Variants in MASP2 observed in about 807,000 individuals in gnomAD.
MASP2 encodes the protein MBL associated serine protease 2.
MASP2 carries 49 observed loss-of-function variants against 57.1 expected under a neutral mutation model. The observed-to-expected ratio is 0.86, with a 90% CI of 0.68 to 1.09. The LOEUF (loss-of-function observed/expected upper bound fraction) is 1.09, where lower values mean the gene tolerates loss of function less well. Ranked by LOEUF, MASP2 falls within the 50% of genes least tolerant of loss-of-function variation. MASP2 has a pLI of 0.00. For missense variants in MASP2, 900 were observed against 874.8 expected, an observed-to-expected ratio of 1.03 and a Z score of -0.36; for synonymous variants, 379 against 340.8, an observed-to-expected ratio of 1.11 and a Z score of -1.24.
At chr1:11,041,403 A>AAT (rs1638429830) in intron 6 of MASP2, among the ~76,000 whole-genome samples, 1 of 26,294 alleles carries the variant, frequency 3.8e-5, no homozygotes, top group Admixed American at 3.7e-4. Context: ...TGGATGGATG[A>AAT]GTGGATGGAT....
rs770105599 is a variant in MASP2, at chr1:11,037,766, G to A, written c.935C>T (p.Ser312Leu). Residue 312 changes from serine to leucine, a missense_variant, in exon 7 of 11, where the codon TCA becomes TTA. Ser to Leu is a moderately radical substitution (Grantham distance 145). Coordinates refer to ENST00000400897, the MANE Select transcript of MASP2 (RefSeq NM_006610.4). The stretch of plus-strand genomic sequence containing the variant: ...CAGGATGTATTTGGCTTGCACAGGT[G>A]AAACGTGGCCATTAGGTGGCGCCAT... ...YPMAPPNGHV[S>L]PVQAKYILKD... 1 of 1,613,364 alleles carries A rather than the reference G, an allele frequency of 6.2e-7. No individual in the cohort carries two copies.
rs1638513403 is a variant in MASP2, at chr1:11,043,179, T to C, written c.742-157A>G. ...CTCCCCACTCTGCCTCCCACACTTG[T>C]ACTCGAAGGCCCCAGCCTTGGACCT... On this transcript the variant is annotated intron_variant, in intron 5 of 10. Transcript: ENST00000400897. 4.1e-6 allele frequency: 4 copies of C among 979,052 alleles called. No homozygotes were observed. In the South Asian group the frequency reaches 6.4e-5, roughly 16 times the overall value. 60.6% of individuals were successfully genotyped at this position (979,052 alleles called of 1,614,324 possible).
At chr1:11,040,869 GA>G (rs1638403730) in intron 6 of MASP2, among the ~76,000 whole-genome samples, 1 of 151,818 alleles carries the variant, frequency 6.6e-6, no homozygotes, top group African/African-American at 2.4e-5. Flanking sequence ...TGGATGGATG[GA>G]TGGATGGATG....
Position 11,043,335 on chromosome 1 carries a change from A to G in MASP2, c.741+4T>C, listed in dbSNP as rs1305786742. 2 of 1,602,174 alleles carry G rather than the reference A, an allele frequency of 1.2e-6. No homozygotes were observed. Among genetic ancestry groups the G allele is most frequent in the Non-Finnish European group, 1.7e-6 (2 of 1,174,356 alleles). On this transcript the variant is annotated splice_donor_region_variant and intron_variant, in intron 5 of 10. Coordinates refer to ENST00000400897, the MANE Select transcript of MASP2 (RefSeq NM_006610.4). ...GGACAAGATGAGGGGCCCAGGAGCC[A>G]GACCTTGAGAAAGTCGTAGGGACAC...
In MASP2 at chr1:11,027,188, C is replaced by T; in HGVS notation, c.1758G>A (p.Met586Ile). ...TQRGFLARNL[M>I]YVDIPIVDHQ... ...GGTCAACAATCGGTATGTCGACATA[C>T]ATTAGATTTCTAGCAAGAAAACCCC... Residue 586 changes from methionine to isoleucine, a missense_variant, in exon 11 of 11, where the codon ATG becomes ATA. Coordinates refer to ENST00000400897, the MANE Select transcript of MASP2 (RefSeq NM_006610.4). The T allele has an allele frequency of 6.2e-7, 1 of 1,614,176 alleles. No individual in the cohort carries two copies. The highest frequency in any genetic ancestry group is 1.7e-5 in the Admixed American group (1 of 60,012).
At chr1:11,046,506 C>A in intron 3 of MASP2, 50 bp downstream of exon 3, 1 of 1,605,214 alleles carries the variant, frequency 6.2e-7, no homozygotes. Flanking sequence ...AGAGTTACCC[C>A]CACAGCCAGC....
intron 4 of MASP2, chr1:11,044,757 C>G: frequency 6.8e-7 from 1 of 1,479,016 alleles, no homozygotes; most frequent in Non-Finnish European, 9.0e-7. Context: ...CGCACCCCGC[C>G]GCCTCCCGAC....
At position 11,046,689 on chromosome 1, in the gene MASP2, C is replaced by T; in HGVS notation, c.279G>A (p.Glu93=). The T allele has an allele frequency of 6.2e-7, 1 of 1,613,460 alleles. No individual in the cohort carries two copies. The highest frequency in any genetic ancestry group is 1.7e-5 in the Admixed American group (1 of 60,026). Reference sequence around the variant, plus strand: ...CAGGGGCCCGCTCCGTGTCTGTGCTCTCCTGCCCGCACAGCGTGGCCAGCA... The same window carrying T: ...CAGGGGCCCGCTCCGTGTCTGTGCTTTCCTGCCCGCACAGCGTGGCCAGCA... ...AKVLATLCGQ[E]STDTERAPGK... The change falls in exon 3 of 11, where the codon GAG becomes GAA. Residue 93 remains glutamate, a synonymous_variant. Coordinates refer to ENST00000400897, the MANE Select transcript of MASP2 (RefSeq NM_006610.4).
chr1:11,043,188 G>T (rs1570754141), intron 5 of MASP2, 151 bp downstream of exon 5: 3 of 977,692 alleles, frequency 3.1e-6, no homozygotes, highest in East Asian at 5.1e-5. Context: ...GTACTCGAAG[G>T]CCCCAGCCTT....
At position 11,037,676 on chromosome 1, in the gene MASP2, A is replaced by G; in HGVS notation, c.1008+17T>C. 9.5e-6 allele frequency: 14 copies of G among 1,480,852 alleles called. No homozygotes were observed. Among genetic ancestry groups the G allele is most frequent in the Non-Finnish European group, 1.3e-5 (14 of 1,069,544 alleles). The allele number at this position is 1,480,852 out of a possible 1,614,324, so 91.7% of individuals were successfully genotyped here. A position where few individuals can be genotyped will look rare whatever the true frequency, so the allele number is the denominator to read the frequency against. ...AAGCAATCGTCATTGATCGTGGTGTACTTTGTTTTAACTCACTTGCAGAAG... is the reference window on the plus strand; with the variant it reads ...AAGCAATCGTCATTGATCGTGGTGTGCTTTGTTTTAACTCACTTGCAGAAG... On this transcript the variant is annotated intron_variant, in intron 7 of 10. Coordinates refer to ENST00000400897, the MANE Select transcript of MASP2 (RefSeq NM_006610.4).
chr1:11,033,516 G>A (rs987816923), intron 8 of MASP2, among the ~76,000 whole-genome samples: 4 of 151,160 alleles, frequency 2.6e-5, no homozygotes, highest in Non-Finnish European at 5.9e-5. Flanking sequence ...GTGGCGGTGT[G>A]TGCCTGTAGT....
chr1:11,045,431 T>A lies in MASP2; in HGVS notation c.521A>T (p.His174Leu), dbSNP rs1557677466. ...ACCTGAGCAGGTGCGCTTGTTACGG[T>A]GCAGGACGTAGCCTGCGCGGCAGGA... The part of the protein sequence containing the change: ...YCSCRAGYVL[H>L]RNKRTCSALC... Residue 174 changes from histidine to leucine, a missense_variant, in exon 4 of 11, where the codon CAC becomes CTC. Transcript: ENST00000400897. 5 of 1,613,302 alleles carry A rather than the reference T, an allele frequency of 3.1e-6. 1 individual carries two copies. The South Asian group carries it at 3.3e-5, about 11-fold the overall frequency.
chr1:11,045,644 G>A, intron 3 of MASP2, 105 bp from the exon 4 acceptor site: 12 of 1,311,410 alleles, frequency 9.2e-6, no homozygotes, highest in Non-Finnish European at 1.2e-5. Flanking sequence ...CCTCAGAGGA[G>A]GCCTCGTCCT....
At chr1:11,046,516 C>T (rs1278056865) in intron 3 of MASP2, 40 bp downstream of exon 3, 1 of 1,611,064 alleles carries the variant, frequency 6.2e-7, no homozygotes, top group Non-Finnish European at 8.5e-7. Flanking sequence ...CCACAGCCAG[C>T]TGCGCAGACT....
chr1:11,043,005 T>C lies in MASP2; in HGVS notation c.759A>G (p.Glu253=). 6.2e-7 allele frequency: 1 copy of C among 1,613,920 alleles called. No homozygotes were observed. The highest frequency in any genetic ancestry group is 1.1e-5 in the South Asian group (1 of 91,082). ...YDFLKIQTDR[E]EHGPFCGKTL... is the part of the protein sequence containing the mutation. ...TCTTCCCACAGAATGGGCCATGTTC[T>C]TCTCTGTCTGTTTGAATCTGAGAAA... Residue 253 remains glutamate, a synonymous_variant, in exon 6 of 11, where the codon GAA becomes GAG. Coordinates refer to ENST00000400897, the MANE Select transcript of MASP2 (RefSeq NM_006610.4).
At chr1:11,027,965 T>C (rs967864483) in intron 10 of MASP2, among the ~76,000 whole-genome samples, 3 of 152,182 alleles carry the variant, frequency 2.0e-5, no homozygotes, top group Non-Finnish European at 4.4e-5. Flanking sequence ...GTCACACCTG[T>C]AATCCCAGCA....
chr1:11,045,458 C>T lies in MASP2; in HGVS notation c.494G>A (p.Cys165Tyr). ...CAGGACGTAGCCTGCGCGGCAGGAGCAGTAGAAACCGCCCAGGTGGTTGTG... is the reference window on the plus strand; with the variant it reads ...CAGGACGTAGCCTGCGCGGCAGGAGTAGTAGAAACCGCCCAGGTGGTTGTG... ...HCHNHLGGFY[C>Y]SCRAGYVLHR... The change falls in exon 4 of 11, where the codon TGC becomes TAC. Residue 165 changes from cysteine to tyrosine, a missense_variant. Physicochemically the swap from Cys to Tyr is radical, Grantham distance 194. Coordinates refer to ENST00000400897, the MANE Select transcript of MASP2 (RefSeq NM_006610.4). 6.2e-7 allele frequency: 1 copy of T among 1,613,148 alleles called. No homozygotes were observed. The highest frequency in any genetic ancestry group is 1.3e-5 in the African/African-American group (1 of 75,014).
Position 11,026,864 on chromosome 1 carries a change from C to G in MASP2, c.*21G>C. ...ACAGGCATTTCTAAAAATGAAGAAT[C>G]CTTGACTGCAGACACGCAAGTTAAA... On this transcript the variant is annotated 3_prime_UTR_variant, in exon 11 of 11. Transcript: ENST00000400897. 6.8e-7 allele frequency: 1 copy of G among 1,466,796 alleles called. No homozygotes were observed. The highest frequency in any genetic ancestry group is 9.0e-7 in the Non-Finnish European group (1 of 1,110,842). The allele number at this position is 1,466,796 out of a possible 1,614,324, so 90.9% of individuals were successfully genotyped here.
chr1:11,029,175 T>A (rs1373020098), intron 10 of MASP2, among the ~76,000 whole-genome samples: 2 of 151,638 alleles, frequency 1.3e-5, no homozygotes, highest in African/African-American at 4.8e-5. Flanking sequence ...TGTATTTTTT[T>A]TTTTTTAGTA....
Sources: allele counts gnomAD v4.1 joint callset (sites outside exome capture counted in the v4.1 genomes callset), GRCh38; gene constraint gnomAD v4.1.1; transcripts MANE v1.5; gene names NCBI Gene and HGNC (gene_info 2026-07-23, HGNC 2026-07-21).